Variants in MICOS10 observed in about 807,000 individuals in gnomAD.
MICOS10 encodes the protein mitochondrial contact site and cristae organizing system subunit 10.
A neutral mutation model predicts 13.4 loss-of-function variants in MICOS10; 5 were observed. The observed-to-expected ratio is 0.37, with a 90% CI of 0.20 to 0.78. The LOEUF (loss-of-function observed/expected upper bound fraction) is 0.78, where lower values mean the gene tolerates loss of function less well. MICOS10 is among the 30% of genes least tolerant of loss of function. The pLI is 0.47. For missense variants in MICOS10, 101 were observed against 94.6 expected (o/e 1.07, Z -0.28); for synonymous variants, 35 against 33.6 (o/e 1.04, Z -0.15).
chr1:19,625,234 A>C (rs2094917777), intron 3 of MICOS10, among the ~76,000 whole-genome samples: 1 of 152,254 alleles, frequency 6.6e-6, no homozygotes, highest in African/African-American at 2.4e-5. Context: ...CCAGCCCAAA[A>C]AGGGTGATTG....
chr1:19,628,046 C>A lies in MICOS10; in HGVS notation c.*1645C>A, dbSNP rs1054832352. 2.6e-5 allele frequency: 4 copies of A among 151,884 alleles called. No individual in the cohort carries two copies. Among genetic ancestry groups the A allele is most frequent in the Non-Finnish European group, 5.9e-5 (4 of 68,036 alleles). The allele number at this position is 151,884 out of a possible 1,614,324, so 9.4% of individuals were successfully genotyped here. A position where few individuals can be genotyped will look rare whatever the true frequency, so the allele number is the denominator to read the frequency against. ...AATTGAAAGAAAAATAATGTGCAGC[C>A]TGTTTCATCCCTTCCACTTGTTTTC... On this transcript the variant is annotated 3_prime_UTR_variant, in exon 4 of 4. Transcript: ENST00000322753.
At chr1:19,625,615 C>T in intron 3 of MICOS10, 1 of 1,288,880 alleles carries the variant, frequency 7.8e-7, no homozygotes, top group Non-Finnish European at 1.0e-6. Context: ...CCGAAAGGAG[C>T]AGACAGAGAA....
chr1:19,621,719 G>C, intron 1 of MICOS10, among the ~76,000 whole-genome samples: 1 of 152,110 alleles, frequency 6.6e-6, no homozygotes, highest in East Asian at 1.9e-4. Context: ...CAAGGGGAGC[G>C]TCCTGTTGGC....
At chr1:19,610,433 C>T (rs2094856020) in intron 1 of MICOS10, among the ~76,000 whole-genome samples, 1 of 120,342 alleles carries the variant, frequency 8.3e-6, no homozygotes, top group Non-Finnish European at 1.6e-5. Context: ...GGCTGGAGTA[C>T]AGTGACACAA....
At chr1:19,623,789 G>A (rs188715724) in intron 3 of MICOS10, 16 of 503,378 alleles carry the variant, frequency 3.2e-5, no homozygotes, top group African/African-American at 7.7e-5. Flanking sequence ...GCGTATGTAC[G>A]TTCAGATATA....
At chr1:19,603,865 G>A (rs774535477) in intron 1 of MICOS10, among the ~76,000 whole-genome samples, 2 of 152,166 alleles carry the variant, frequency 1.3e-5, no homozygotes, top group Non-Finnish European at 2.9e-5. Flanking sequence ...CATGGTGGAG[G>A]GAGAGGTCCC....
chr1:19,609,244 G>T (rs1350019221), intron 1 of MICOS10, among the ~76,000 whole-genome samples: 1 of 151,946 alleles, frequency 6.6e-6, no homozygotes, highest in Admixed American at 6.6e-5. Flanking sequence ...CACATGAAAA[G>T]ATACTTAACA....
chr1:19,608,364 G>A (rs992103554), intron 1 of MICOS10: 2 of 1,265,284 alleles, frequency 1.6e-6, no homozygotes, highest in East Asian at 2.3e-5. Flanking sequence ...GTGGCCCAGA[G>A]GTGCAAGGAG....
chr1:19,612,799 A>G (rs2094868773), intron 1 of MICOS10, among the ~76,000 whole-genome samples: 1 of 152,216 alleles, frequency 6.6e-6, no homozygotes, highest in South Asian at 2.1e-4. Flanking sequence ...CCTGAAACTC[A>G]GGCACATTCT....
chr1:19,616,784 T>G (rs1201295928), intron 1 of MICOS10, among the ~76,000 whole-genome samples: 1 of 152,152 alleles, frequency 6.6e-6, no homozygotes, highest in African/African-American at 2.4e-5. Flanking sequence ...TTTTTATAGG[T>G]TTTCATAAGG....
chr1:19,608,774 A>T (rs1337327736), intron 1 of MICOS10, among the ~76,000 whole-genome samples: 1 of 152,080 alleles, frequency 6.6e-6, no homozygotes, highest in African/African-American at 2.4e-5. Flanking sequence ...CACCATTAAG[A>T]AAACAAAAAG....
chr1:19,621,991 A>G, intron 1 of MICOS10, 109 bp from the exon 2 acceptor site: 1 of 829,162 alleles, frequency 1.2e-6, no homozygotes, highest in Non-Finnish European at 1.9e-6. Flanking sequence ...TTCTCTACCA[A>G]ATTATGAAAA....
intron 1 of MICOS10, among the ~76,000 whole-genome samples, chr1:19,602,176 G>T (rs973464274): frequency 4.6e-5 from 7 of 152,092 alleles, no homozygotes; most frequent in East Asian, 3.9e-4. Context: ...ATCCCCTAAC[G>T]CCTGGTTTAG....
intron 1 of MICOS10, among the ~76,000 whole-genome samples, chr1:19,604,182 C>A (rs1179022370): frequency 6.6e-6 from 1 of 152,182 alleles, no homozygotes; most frequent in East Asian, 1.9e-4. Context: ...ATCTCTAGAG[C>A]AGTTAGGACG....
intron 2 of MICOS10, among the ~76,000 whole-genome samples, chr1:19,623,224 A>C (rs976060053): frequency 6.6e-6 from 1 of 152,046 alleles, no homozygotes; most frequent in Admixed American, 6.6e-5. Flanking sequence ...CCTGGCCTTT[A>C]CTACTTATTT....
At chr1:19,605,762 C>T (rs2094832178) in intron 1 of MICOS10, among the ~76,000 whole-genome samples, 1 of 152,116 alleles carries the variant, frequency 6.6e-6, no homozygotes, top group African/African-American at 2.4e-5. Flanking sequence ...CTGTTTTGCC[C>T]AGGCTGGTCT....
chr1:19,614,943 G>A (rs986474547), intron 1 of MICOS10, among the ~76,000 whole-genome samples: 1 of 152,160 alleles, frequency 6.6e-6, no homozygotes, highest in Non-Finnish European at 1.5e-5. Flanking sequence ...ACTGAGTGGA[G>A]TGCGTTCCCG....
At chr1:19,608,537 A>G (rs1321491441) in intron 1 of MICOS10, 8 of 985,348 alleles carry the variant, frequency 8.1e-6, no homozygotes, top group Admixed American at 3.4e-5. Context: ...CAGCACTCTC[A>G]GGAAGGGGGT....
At chr1:19,614,444 CTT>C (rs1357157949) in intron 1 of MICOS10, 4 of 151,992 alleles carry the variant, frequency 2.6e-5, no homozygotes, top group African/African-American at 4.8e-5. Flanking sequence ...TCCTCTCTCT[CTT>C]AGACACACAC....
Sources: allele counts gnomAD v4.1 joint callset (sites outside exome capture counted in the v4.1 genomes callset), GRCh38; gene constraint gnomAD v4.1.1; transcripts MANE v1.5; gene names NCBI Gene and HGNC (gene_info 2026-07-23, HGNC 2026-07-21).